The following KAT14 variants were observed in gnomAD, a reference collection of about 807,000 sequenced individuals.
The protein encoded by KAT14 is lysine acetyltransferase 14, also known as cysteine-rich protein 2-binding protein.
KAT14 carries 66 observed loss-of-function variants against 78.4 expected under a neutral mutation model. That is an observed-to-expected ratio of 0.84 (90% CI 0.69 to 1.03). The LOEUF is 1.03. Among genes scored for constraint, KAT14 ranks in the 50% least tolerant of loss-of-function variants. The pLI is 0.00. For synonymous variants in KAT14, 344 were observed against 359.4 expected (o/e 0.96, Z 0.48); for missense variants, 870 against 972.5 (o/e 0.89, Z 1.40).
In KAT14 at chr20:18,142,210, G is replaced by C; in HGVS notation, c.-451G>C. The C allele has an allele frequency of 6.5e-6, 10 of 1,536,638 alleles. No individual in the cohort carries two copies. The highest frequency in any genetic ancestry group is 8.7e-6 in the Non-Finnish European group (10 of 1,146,578). ...AAATCTGTTTCTTACGTTTTTAGAG[G>C]CTTCGTGACGGAGTTATCAGAGACA... On this transcript the variant is annotated splice_region_variant and 5_prime_UTR_variant, in exon 2 of 11. Coordinates refer to ENST00000688188, the MANE Select transcript of KAT14 (RefSeq NM_001392073.1).
At position 18,137,886 on chromosome 20, in the gene KAT14, G is replaced by A; in HGVS notation, c.-619G>A. On this transcript the variant is annotated 5_prime_UTR_variant, in exon 1 of 11. It adds an upstream start codon to the 5' untranslated region. Coordinates refer to ENST00000688188, the MANE Select transcript of KAT14 (RefSeq NM_001392073.1). ...TCGAGCCTGGGCAGTACAGGCGGCG[G>A]TGCGCACTCTGCGGCGGCCTCTGCG... is the stretch of plus-strand genomic sequence containing the variant. The A allele has an allele frequency of 1.4e-6, 2 of 1,407,340 alleles. No homozygotes were observed. Among genetic ancestry groups the A allele is most frequent in the Middle Eastern group, 2.6e-4 (1 of 3,886 alleles). 87.2% of individuals were successfully genotyped at this position (1,407,340 alleles called of 1,614,324 possible).
chr20:18,169,070 C>T (rs1471814775), intron 7 of KAT14, among the ~76,000 whole-genome samples: 8 of 152,052 alleles, frequency 5.3e-5, no homozygotes, highest in Non-Finnish European at 1.2e-4. Context: ...ATTCTTTACT[C>T]AGCCGTGTCC....
At chr20:18,163,152 G>C (rs1342493371) in intron 7 of KAT14, among the ~76,000 whole-genome samples, 2 of 152,218 alleles carry the variant, frequency 1.3e-5, no homozygotes, top group Admixed American at 6.5e-5. Context: ...GAATACATCT[G>C]AGTTTTTCTT....
chr20:18,162,651 G>T lies in KAT14; in HGVS notation c.1374G>T (p.Arg458Ser). The T allele has an allele frequency of 6.2e-7, 1 of 1,614,206 alleles. No homozygotes were observed. Among genetic ancestry groups the T allele is most frequent in the South Asian group, 1.1e-5 (1 of 91,088 alleles). The change falls in exon 7 of 11, where the codon AGG becomes AGT. Residue 458 changes from arginine (R) to serine (S), a missense_variant. Coordinates refer to ENST00000688188, the MANE Select transcript of KAT14 (RefSeq NM_001392073.1). ...LEKDTKPKEP[R>S]YTPVSIYEEK... ...AGGACACAAAGCCGAAAGAGCCCAG[G>T]TATACTCCCGTGAGCATCTACGAGG...
At chr20:18,143,131 CTT>C in intron 2 of KAT14, 2 of 1,297,528 alleles carry the variant, frequency 1.5e-6, no homozygotes, top group Non-Finnish European at 2.0e-6. Context: ...TAAATTAACA[CTT>C]TTGGTGGTAA....
At chr20:18,143,135 T>C (rs1600214722) in intron 2 of KAT14, 5 of 1,287,436 alleles carry the variant, frequency 3.9e-6, no homozygotes, top group Admixed American at 6.8e-5. Flanking sequence ...TTAACACTTT[T>C]GGTGGTAACT....
intron 7 of KAT14, among the ~76,000 whole-genome samples, chr20:18,176,133 C>A (rs1450323705): frequency 6.6e-6 from 1 of 151,904 alleles, no homozygotes; most frequent in African/African-American, 2.4e-5. Flanking sequence ...GAAACCCCGT[C>A]TCTACTAAAA....
chr20:18,165,661 G>A (rs2038612393), intron 7 of KAT14, among the ~76,000 whole-genome samples: 1 of 152,098 alleles, frequency 6.6e-6, no homozygotes, highest in Non-Finnish European at 1.5e-5. Flanking sequence ...TTCTGGCTTC[G>A]GCTTCCATGA....
In KAT14 at chr20:18,148,712, C is replaced by T. The variant is rs552221787; in HGVS notation, c.379-2109C>T. On this transcript the variant is annotated intron_variant, in intron 3 of 10. Transcript: ENST00000688188. ...GCAACCTCTGCCTCCTGCATTCAAA[C>T]GATTCTCCTGCTTCAGCCTCCCGAG... 5.0e-4 allele frequency among the ~76,000 whole-genome samples: 76 copies of T among 151,674 alleles called. 1 individual carries two copies. Among genetic ancestry groups the T allele is most frequent in the African/African-American group, 1.2e-3 (51 of 41,354 alleles).
chr20:18,181,355 ATTTTGTTTCTTTTTTTTTTTTTTTTTT>A (rs1310965233), intron 7 of KAT14, among the ~76,000 whole-genome samples: 1 of 138,750 alleles, frequency 7.2e-6, no homozygotes, highest in Non-Finnish European at 1.6e-5. Flanking sequence ...CCTCAGAGTA[ATTTTGTTTCTTTTTTTTTTTTTTTTTT>A]TTTTGAGACG....
intron 3 of KAT14, among the ~76,000 whole-genome samples, chr20:18,147,297 T>C (rs2037863932): frequency 6.6e-6 from 1 of 152,222 alleles, no homozygotes; most frequent in Admixed American, 6.5e-5. Context: ...TAGAGCCTTA[T>C]GAATATTATA....
rs994541902 is a variant in KAT14, at chr20:18,150,361, G to A, written c.379-460G>A. Among the ~76,000 whole-genome samples, 5 of 152,182 alleles carry A rather than the reference G, an allele frequency of 3.3e-5. No homozygotes were observed. In the East Asian group the frequency reaches 9.6e-4, roughly 29 times the overall value. On this transcript the variant is annotated intron_variant, in intron 3 of 10. Transcript: ENST00000688188. ...TAAGAGCTTAGAGAAATATATACAA[G>A]GGTAATTTTCAAGATATTTGATAAA...
chr20:18,151,076 G>A, intron 4 of KAT14, 134 bp downstream of exon 4: 1 of 1,231,852 alleles, frequency 8.1e-7, no homozygotes, highest in Non-Finnish European at 1.1e-6. Context: ...CCAGGCTGGA[G>A]TGCAGTGGCA....
At chr20:18,163,740 A>G (rs1036561991) in intron 7 of KAT14, among the ~76,000 whole-genome samples, 6 of 152,150 alleles carry the variant, frequency 3.9e-5, no homozygotes, top group African/African-American at 1.4e-4. Context: ...GATGTGCCGT[A>G]TGTAGGGCTT....
intron 10 of KAT14, 126 bp from the exon 11 acceptor site, chr20:18,187,160 C>G: frequency 1.6e-6 from 2 of 1,263,898 alleles, no homozygotes; most frequent in Non-Finnish European, 1.1e-6. Context: ...TGCAATGTCT[C>G]AGCCTCAGTC....
intron 10 of KAT14, 42 bp from the exon 11 acceptor site, chr20:18,187,244 G>C: frequency 6.4e-7 from 1 of 1,560,332 alleles, no homozygotes; most frequent in Non-Finnish European, 8.6e-7. Flanking sequence ...TTTCCCTCAG[G>C]CCTTTCCATT....
intron 9 of KAT14, 113 bp from the exon 10 acceptor site, chr20:18,184,489 T>C: frequency 1.1e-6 from 1 of 881,144 alleles, no homozygotes; most frequent in Non-Finnish European, 1.5e-6. Context: ...TTTGGTGTTT[T>C]TTTTTTTTTT....
chr20:18,150,994 G>T, intron 4 of KAT14, 52 bp downstream of exon 4: 1 of 1,599,952 alleles, frequency 6.3e-7, no homozygotes, highest in Non-Finnish European at 8.5e-7. Flanking sequence ...AAAGAATGAA[G>T]TATACAGGAT....
In KAT14 at chr20:18,143,615, ATTTTT is replaced by A. The variant is rs201858697; in HGVS notation, c.259+703_259+707del. The stretch of plus-strand genomic sequence containing the variant: ...TAGTGTTTGCCAGCACACCTGGCTA[ATTTTT>A]TTTTTTATTTTATTTTTTTTTTTTG... On this transcript the variant is annotated intron_variant, in intron 2 of 10. Transcript: ENST00000688188. Among the ~76,000 whole-genome samples, 2 of 103,998 alleles carry A rather than the reference ATTTTT, an allele frequency of 1.9e-5. 1 individual carries two copies. 68.2% of individuals were successfully genotyped at this position (103,998 alleles called of 152,430 possible).
Sources: gnomAD v4.1 joint callset for allele counts (sites outside exome capture counted in the v4.1 genomes callset) on GRCh38, gnomAD v4.1.1 for gene constraint, MANE v1.5 for transcripts, NCBI Gene and HGNC (gene_info 2026-07-23, HGNC 2026-07-21) for gene names.